Variants in SRFBP1 observed in about 807,000 individuals in gnomAD.
The protein encoded by SRFBP1 is serum response factor-binding protein 1.
Under a neutral mutation model 45.5 loss-of-function variants are expected in SRFBP1, and 47 were observed. That is an observed-to-expected ratio of 1.03 (90% CI 0.82 to 1.32). SRFBP1 has a LOEUF of 1.32. Ranked by LOEUF, SRFBP1 falls within the 40% of genes most tolerant of loss-of-function variation. The pLI, the probability that SRFBP1 is intolerant of heterozygous loss-of-function variation, is 0.00. For synonymous variants in SRFBP1, 203 were observed against 166.3 expected, an observed-to-expected ratio of 1.22 and a Z score of -1.70; for missense variants, 621 against 484.6, an observed-to-expected ratio of 1.28 and a Z score of -2.64.
intron 2 of SRFBP1, chr5:122,064,622 T>C (rs1234612976): frequency 6.6e-6 from 1 of 151,960 alleles, no homozygotes; most frequent in Non-Finnish European, 1.5e-5. Flanking sequence ...AAAATTGAAA[T>C]TTCATAGACA....
chr5:122,065,465 A>G (rs1415022875), intron 2 of SRFBP1: 1 of 152,126 alleles, frequency 6.6e-6, no homozygotes, highest in Non-Finnish European at 1.5e-5. Flanking sequence ...CTATTATGGC[A>G]CATGGTTTCA....
chr5:122,060,377 T>G (rs926425126), intron 2 of SRFBP1, among the ~76,000 whole-genome samples: 9 of 152,068 alleles, frequency 5.9e-5, no homozygotes, highest in Admixed American at 1.3e-4. Flanking sequence ...TAACTCACCC[T>G]CATCTGGGCA....
chr5:122,055,672 A>C (rs1754065614), intron 2 of SRFBP1, among the ~76,000 whole-genome samples: 1 of 152,234 alleles, frequency 6.6e-6, no homozygotes, highest in Non-Finnish European at 1.5e-5. Context: ...AAAAGCATTA[A>C]AAATCTAGGG....
downstream of SRFBP1, chr5:122,077,879 G>C: frequency 2.0e-6 from 3 of 1,537,026 alleles, no homozygotes; most frequent in South Asian, 1.2e-5. The surrounding 1 kb of genome is among the most constrained non-coding windows in gnomAD (Gnocchi z 4.9). Context: ...CGGAGCCGCC[G>C]GCGGCTCGCG....
chr5:121,971,121 A>G (rs1489546965), intron 1 of SRFBP1, among the ~76,000 whole-genome samples: 4 of 152,048 alleles, frequency 2.6e-5, no homozygotes, highest in Non-Finnish European at 5.9e-5. Context: ...TTCTTCTGAG[A>G]GCAATTGGAC....
intron 2 of SRFBP1, among the ~76,000 whole-genome samples, chr5:122,048,385 G>C (rs1427900380): frequency 6.6e-6 from 1 of 152,290 alleles, no homozygotes; most frequent in African/African-American, 2.4e-5. Flanking sequence ...TTGCATCCCA[G>C]GGGTGAAGCC....
intron 4 of SRFBP1, among the ~76,000 whole-genome samples, chr5:122,006,544 T>C (rs1752978934): frequency 6.6e-6 from 1 of 152,162 alleles, no homozygotes; most frequent in Non-Finnish European, 1.5e-5. Context: ...TTTGTTCTTT[T>C]GATGCTGTTC....
At chr5:122,038,293 A>G (rs971760115) in intron 2 of SRFBP1, among the ~76,000 whole-genome samples, 1 of 152,196 alleles carries the variant, frequency 6.6e-6, no homozygotes, top group African/African-American at 2.4e-5. Flanking sequence ...AGCCCAAAAT[A>G]TAGGGTCTGG....
chr5:121,987,509 A>G (rs967489048), intron 3 of SRFBP1, among the ~76,000 whole-genome samples: 7 of 152,192 alleles, frequency 4.6e-5, no homozygotes, highest in African/African-American at 1.4e-4. Flanking sequence ...GAAATTCTCA[A>G]CTGTAGAAAA....
At chr5:122,015,003 A>G (rs1753168411) in intron 4 of SRFBP1, among the ~76,000 whole-genome samples, 1 of 152,216 alleles carries the variant, frequency 6.6e-6, no homozygotes, top group Non-Finnish European at 1.5e-5. Flanking sequence ...TCTGTTTTAT[A>G]TCTGTTCATA....
chr5:121,995,437 G>A (rs1188339809), intron 4 of SRFBP1, among the ~76,000 whole-genome samples: 4 of 152,052 alleles, frequency 2.6e-5, no homozygotes, highest in Admixed American at 2.6e-4. Flanking sequence ...CGAAATGAAG[G>A]CAGAAATAAA....
At chr5:121,989,520 T>C (rs1752582239) in intron 3 of SRFBP1, among the ~76,000 whole-genome samples, 2 of 152,186 alleles carry the variant, frequency 1.3e-5, no homozygotes, top group Non-Finnish European at 2.9e-5. Flanking sequence ...TTAACCACGA[T>C]TAAGTGTGGT....
At chr5:121,983,692 T>C (rs1752460373) in intron 3 of SRFBP1, among the ~76,000 whole-genome samples, 1 of 151,726 alleles carries the variant, frequency 6.6e-6, no homozygotes, top group Non-Finnish European at 1.5e-5. Flanking sequence ...AGGCGAAAAA[T>C]GCATTCAGCT....
intron 2 of SRFBP1, chr5:122,065,689 A>T (rs963575965): frequency 6.6e-6 from 1 of 152,096 alleles, no homozygotes; most frequent in Non-Finnish European, 1.5e-5. Context: ...AATTTTTAAC[A>T]TTCCTCTAAT....
At chr5:122,007,421 G>A (rs1053151548) in intron 4 of SRFBP1, among the ~76,000 whole-genome samples, 16 of 151,818 alleles carry the variant, frequency 1.1e-4, no homozygotes, top group Non-Finnish European at 1.5e-4. Context: ...CTAGGTCCAC[G>A]GTGCTGGTCG....
chr5:122,032,049 C>T (rs1460353547), downstream of SRFBP1, among the ~76,000 whole-genome samples: 1 of 152,152 alleles, frequency 6.6e-6, no homozygotes, highest in Non-Finnish European at 1.5e-5. Flanking sequence ...AATTGGATAG[C>T]GCTGATTATA....
chr5:122,019,988 T>G lies in SRFBP1; in HGVS notation c.353-100T>G, dbSNP rs981203195. The G allele has an allele frequency of 1.1e-4, 84 of 750,182 alleles. No individual in the cohort carries two copies. In the African/African-American group the frequency reaches 1.4e-3, roughly 13 times the overall value. The allele number at this position is 750,182 out of a possible 1,614,324, so 46.5% of individuals were successfully genotyped here. On this transcript the variant is annotated intron_variant, in intron 5 of 7. Coordinates refer to ENST00000339397, the MANE Select transcript of SRFBP1 (RefSeq NM_152546.3). ...TATTTAATATCAATTCCAACTGCCCTCTTAAATCTTTTCAAATAATTTTTT... is the reference window on the plus strand; with the variant it reads ...TATTTAATATCAATTCCAACTGCCCGCTTAAATCTTTTCAAATAATTTTTT...
chr5:122,022,183 A>G (rs1194393727), intron 6 of SRFBP1, among the ~76,000 whole-genome samples, 187 bp from the exon 7 acceptor site: 1 of 152,150 alleles, frequency 6.6e-6, no homozygotes, highest in African/African-American at 2.4e-5. Flanking sequence ...GTAACACTGG[A>G]TTCTAACAAA....
chr5:122,047,470 T>C (rs1240772994), intron 2 of SRFBP1, among the ~76,000 whole-genome samples: 1 of 152,220 alleles, frequency 6.6e-6, no homozygotes, highest in Non-Finnish European at 1.5e-5. Context: ...TAGTTTGAAG[T>C]CAGGTAGCTT....
Sources: gnomAD v4.1 joint callset for allele counts (sites outside exome capture counted in the v4.1 genomes callset) on GRCh38, gnomAD v4.1.1 for gene constraint, Gnocchi (gnomAD v3.1) non-coding constraint, MANE v1.5 for transcripts, NCBI Gene and HGNC (gene_info 2026-07-23, HGNC 2026-07-21) for gene names.